The following DAPK2 variants were observed in gnomAD, a reference collection of about 807,000 sequenced individuals.
DAPK2 encodes the protein death-associated protein kinase 2.
Under a neutral mutation model 44.1 loss-of-function variants are expected in DAPK2, and 35 were observed. The ratio of observed to expected loss-of-function variants is 0.79; its 90% CI spans 0.61 to 1.05. DAPK2 has a LOEUF of 1.05. DAPK2 is among the 50% of genes least tolerant of loss of function. The pLI is 0.00. For missense variants in DAPK2, 453 were observed against 483.2 expected, an observed-to-expected ratio of 0.94 and a Z score of 0.59; for synonymous variants, 174 against 182.6, an observed-to-expected ratio of 0.95 and a Z score of 0.38.
intron 2 of DAPK2, among the ~76,000 whole-genome samples, chr15:63,974,518 T>C (rs1303072669): frequency 6.6e-6 from 1 of 152,186 alleles, no homozygotes; most frequent in Non-Finnish European, 1.5e-5. Context: ...TTGGTTATTA[T>C]TGAAAGACCT....
chr15:63,979,795 A>G (rs1374226265), intron 2 of DAPK2, among the ~76,000 whole-genome samples: 1 of 152,192 alleles, frequency 6.6e-6, no homozygotes, highest in Non-Finnish European at 1.5e-5. Context: ...ACATACTGGT[A>G]GTCCCAGCTA....
chr15:63,991,628 T>A (rs2078822703), intron 1 of DAPK2, among the ~76,000 whole-genome samples: 1 of 152,184 alleles, frequency 6.6e-6, no homozygotes, highest in Non-Finnish European at 1.5e-5. Context: ...TAAAGGGGCT[T>A]CAGGGAACCC....
chr15:63,968,136 C>A (rs1396570329), intron 3 of DAPK2, among the ~76,000 whole-genome samples: 4 of 152,184 alleles, frequency 2.6e-5, no homozygotes, highest in African/African-American at 9.7e-5. Context: ...ATTGCATGAT[C>A]CCCTCCAGGA....
At chr15:63,922,569 A>G (rs1181588695) in intron 8 of DAPK2, 1 of 1,407,646 alleles carries the variant, frequency 7.1e-7, no homozygotes, top group Non-Finnish European at 9.2e-7. Context: ...TGCAGAATGA[A>G]GAATTAACTG....
intron 1 of DAPK2, among the ~76,000 whole-genome samples, chr15:64,018,101 C>T (rs901926971): frequency 6.6e-6 from 1 of 152,186 alleles, no homozygotes; most frequent in Non-Finnish European, 1.5e-5. Context: ...GCCTCTCCCC[C>T]AAAACATACA....
chr15:63,978,327 TAAA>T (rs2078411678), intron 2 of DAPK2, among the ~76,000 whole-genome samples: 1 of 152,132 alleles, frequency 6.6e-6, no homozygotes, highest in African/African-American at 2.4e-5. Context: ...AATATCTAAA[TAAA>T]TAATAACCCT....
chr15:63,932,553 T>C (rs1372280277), intron 4 of DAPK2: 2 of 151,330 alleles, frequency 1.3e-5, no homozygotes, highest in East Asian at 3.9e-4. Flanking sequence ...ATTTATTTAT[T>C]TTTTTTAGAT....
intron 8 of DAPK2, chr15:63,922,563 G>A: frequency 5.7e-6 from 8 of 1,406,052 alleles, no homozygotes; most frequent in Non-Finnish European, 7.4e-6. Flanking sequence ...GGGAGGTGCA[G>A]AATGAAGAAT....
chr15:63,985,458 G>A (rs962866217), intron 1 of DAPK2, among the ~76,000 whole-genome samples: 2 of 152,134 alleles, frequency 1.3e-5, no homozygotes, highest in Non-Finnish European at 2.9e-5. Context: ...TTCCAGGCCC[G>A]GGTGGCTCTG....
intron 2 of DAPK2, 39 bp from the exon 4 acceptor site, chr15:63,971,600 A>AGTCAGCTC: frequency 6.2e-7 from 1 of 1,606,532 alleles, no homozygotes; most frequent in South Asian, 1.1e-5. Flanking sequence ...GCCCAGGCCC[A>AGTCAGCTC]GTCAGCTCTG....
chr15:63,990,383 G>T lies in DAPK2; in HGVS notation c.93-6629C>A, dbSNP rs540905706. 6.6e-6 allele frequency among the ~76,000 whole-genome samples: 1 copy of T among 151,364 alleles called. No individual in the cohort carries two copies. Among genetic ancestry groups the T allele is most frequent in the East Asian group, 1.9e-4 (1 of 5,156 alleles). On this transcript the variant is annotated intron_variant, in intron 1 of 10. Coordinates refer to ENST00000261891, the Ensembl canonical transcript of DAPK2. This position sits in a 1 kb window ranked among gnomAD's most constrained non-coding sequence, Gnocchi z 4.3. ...GTGGAGGTTGCAGTGAGCTGAGATC[G>T]CACCGCTGCACTCCAGCCTGGGTGA...
intron 8 of DAPK2, among the ~76,000 whole-genome samples, chr15:63,914,092 G>A (rs2078863952): frequency 6.6e-6 from 1 of 152,192 alleles, no homozygotes; most frequent in African/African-American, 2.4e-5. Context: ...CCCAGGACCT[G>A]GGACCTACTC....
intron 8 of DAPK2, chr15:63,919,072 C>A (rs2079004249): frequency 6.6e-6 from 1 of 152,114 alleles, no homozygotes; most frequent in African/African-American, 2.4e-5. Flanking sequence ...TCCCACAGGC[C>A]CCCGGGCTCC....
chr15:63,922,724 G>A (rs1171232095), intron 8 of DAPK2: 1 of 1,507,690 alleles, frequency 6.6e-7, no homozygotes, highest in Non-Finnish European at 8.8e-7. Flanking sequence ...TCACTGACTG[G>A]ATTCTGGCGA....
chr15:63,912,671 A>G lies in DAPK2; in HGVS notation c.859-474T>C, dbSNP rs1037846. 0.48 allele frequency among the ~76,000 whole-genome samples: 73,510 copies of G among 152,110 alleles called. 18,956 individuals are homozygous for G. Among genetic ancestry groups the G allele is most frequent in the East Asian group, 0.94 (4,864 of 5,170 alleles). The stretch of plus-strand genomic sequence containing the variant: ...AAAGTCAAGAGGCAACAGGATGTGC[A>G]GTTGCTTTTCACAGCCTGGCAGTCA... On this transcript the variant is annotated intron_variant, in intron 8 of 10. Coordinates refer to ENST00000261891, the Ensembl canonical transcript of DAPK2. This position sits in a 1 kb window ranked among gnomAD's most constrained non-coding sequence, Gnocchi z 4.4.
intron 1 of DAPK2, among the ~76,000 whole-genome samples, chr15:64,001,910 G>A (rs1412606907): frequency 6.6e-6 from 1 of 152,180 alleles, no homozygotes; most frequent in East Asian, 1.9e-4. Context: ...CTTTGGTTCT[G>A]ACCCTCTTTG....
At chr15:63,983,440 G>T in intron 2 of DAPK2, 93 bp downstream of exon 3, 1 of 1,172,682 alleles carries the variant, frequency 8.5e-7, no homozygotes. Context: ...AGGCCTGGTT[G>T]CTGCTGCCCC....
At chr15:63,914,635 C>T (rs982582224) in intron 8 of DAPK2, among the ~76,000 whole-genome samples, 14 of 152,152 alleles carry the variant, frequency 9.2e-5, no homozygotes, top group Admixed American at 9.2e-4. Context: ...CCCACGAGCT[C>T]ATGGAGACCC....
chr15:63,948,872 CCCCAGTTTTACAG>C (rs747480368), intron 3 of DAPK2, among the ~76,000 whole-genome samples: 2 of 152,090 alleles, frequency 1.3e-5, no homozygotes, highest in Non-Finnish European at 2.9e-5. Flanking sequence ...GTAAAACTGA[CCCCAGTTTTACAG>C]ATGAAGAAAC....
Sources: allele counts gnomAD v4.1 joint callset (sites outside exome capture counted in the v4.1 genomes callset), GRCh38; gene constraint gnomAD v4.1.1; non-coding constraint Gnocchi (gnomAD v3.1); transcripts MANE v1.5; gene names NCBI Gene and HGNC (gene_info 2026-07-23, HGNC 2026-07-21).